The following PTDSS1 variants were observed in gnomAD, a reference collection of about 807,000 sequenced individuals.
The protein encoded by PTDSS1 is PSS-1.
In PTDSS1, 45 loss-of-function variants were observed where a neutral mutation model predicts 70.5. That is an observed-to-expected ratio of 0.64 (90% confidence interval 0.50 to 0.82). PTDSS1 has a LOEUF of 0.82. Ranked by LOEUF, PTDSS1 falls within the 40% of genes least tolerant of loss-of-function variation. The probability of loss-of-function intolerance (pLI) is 0.00; values close to 1 mark genes in which losing one functional copy is unlikely to be tolerated. For synonymous variants in PTDSS1, 188 were observed against 203.8 expected (o/e 0.92, Z 0.66); for missense variants, 417 against 586.1 (o/e 0.71, Z 2.98).
Position 96,287,079 on chromosome 8 carries a change from A to C in PTDSS1, c.374A>C (p.Gln125Pro). The C allele has an allele frequency of 6.2e-7, 1 of 1,614,036 alleles. No homozygotes were observed. Among genetic ancestry groups the C allele is most frequent in the Non-Finnish European group, 8.5e-7 (1 of 1,179,884 alleles). Reference protein sequence around the residue: ...LVFLLFLNFEQVKSLMYWLDP... With the variant: ...LVFLLFLNFEPVKSLMYWLDP... ...TTCCTACTCTTCCTGAATTTCGAGCAGGTTAAATCTCTAATGTATTGGCTA... is the reference window on the plus strand; with the variant it reads ...TTCCTACTCTTCCTGAATTTCGAGCCGGTTAAATCTCTAATGTATTGGCTA... Residue 125 changes from glutamine (Q) to proline (P), a missense_variant, in exon 4 of 13, where the codon CAG (glutamine) becomes CCG (proline). By Grantham distance (76) the Gln-to-Pro change is moderately conservative (BLOSUM62 -1). Around this residue, in one of 3 missense-constraint regions of PTDSS1, gnomAD observed 272 missense variants for 429.5 expected, o/e 0.63. Transcript: ENST00000517309.
intron 6 of PTDSS1, among the ~76,000 whole-genome samples, chr8:96,302,869 A>G (rs1020016544): frequency 2.6e-5 from 4 of 152,176 alleles, no homozygotes; most frequent in Non-Finnish European, 5.9e-5. Flanking sequence ...GGCATGAGCC[A>G]CCATGCCTGG....
intron 2 of PTDSS1, among the ~76,000 whole-genome samples, chr8:96,277,556 A>G (rs1397985002): frequency 1.3e-5 from 2 of 152,370 alleles, no homozygotes; most frequent in African/African-American, 4.8e-5. Context: ...ATGGAGCCCA[A>G]ACTTGCCCTC....
intron 9 of PTDSS1, among the ~76,000 whole-genome samples, chr8:96,316,950 C>T (rs1024776015): frequency 2.6e-5 from 4 of 151,934 alleles, no homozygotes; most frequent in African/African-American, 9.7e-5. Flanking sequence ...GCTGAGATTG[C>T]ACCACTGCAC....
At chr8:96,313,152 T>G (rs1003528361) in intron 9 of PTDSS1, among the ~76,000 whole-genome samples, 3 of 152,220 alleles carry the variant, frequency 2.0e-5, no homozygotes, top group Non-Finnish European at 4.4e-5. Context: ...GTACTTTCTC[T>G]TCTATAAAGA....
chr8:96,309,428 C>T (rs1811174226), intron 8 of PTDSS1, 129 bp from the exon 9 acceptor site: 1 of 678,732 alleles, frequency 1.5e-6, no homozygotes. Flanking sequence ...TTCTCTTGAA[C>T]AGAACTAGAC....
At chr8:96,309,008 C>T (rs1811166919) in intron 8 of PTDSS1, among the ~76,000 whole-genome samples, 1 of 151,968 alleles carries the variant, frequency 6.6e-6, no homozygotes, top group South Asian at 2.1e-4. Context: ...TGCCTGGTTA[C>T]AATCAGCAAC....
At chr8:96,295,636 A>G (rs1389419763) in intron 5 of PTDSS1, among the ~76,000 whole-genome samples, 1 of 152,224 alleles carries the variant, frequency 6.6e-6, no homozygotes, top group Non-Finnish European at 1.5e-5. Context: ...TGTGTGTTCA[A>G]GTACTATAAG....
chr8:96,323,690 G>C (rs766919563), intron 10 of PTDSS1, among the ~76,000 whole-genome samples: 2 of 152,178 alleles, frequency 1.3e-5, no homozygotes, highest in Non-Finnish European at 2.9e-5. Flanking sequence ...GTGATGGGAG[G>C]GGCAGCCTTG....
At chr8:96,290,788 G>C (rs1470360560) in intron 4 of PTDSS1, among the ~76,000 whole-genome samples, 1 of 149,500 alleles carries the variant, frequency 6.7e-6, no homozygotes, top group Non-Finnish European at 1.5e-5. Context: ...TCCATGCCTG[G>C]TATCATACAT....
chr8:96,330,686 T>TGAGGATACCATA (rs994385931), intron 11 of PTDSS1: 1 of 372,568 alleles, frequency 2.7e-6, no homozygotes, highest in African/African-American at 2.0e-5. Flanking sequence ...TTAGTAGATA[T>TGAGGATACCATA]GAGGATACCA....
chr8:96,278,550 C>G (rs1332337936), intron 2 of PTDSS1, among the ~76,000 whole-genome samples: 1 of 152,194 alleles, frequency 6.6e-6, no homozygotes, highest in South Asian at 2.1e-4. Flanking sequence ...TTCGCCTCTT[C>G]AGTTCTCCTC....
chr8:96,275,932 T>C (rs1199056663), intron 2 of PTDSS1, among the ~76,000 whole-genome samples: 1 of 152,226 alleles, frequency 6.6e-6, no homozygotes, highest in South Asian at 2.1e-4. Flanking sequence ...CTCTGTCCTT[T>C]TTGTTCCCTT....
chr8:96,265,713 C>T (rs1473183135), intron 1 of PTDSS1, among the ~76,000 whole-genome samples: 2 of 152,194 alleles, frequency 1.3e-5, no homozygotes, highest in Non-Finnish European at 2.9e-5. Flanking sequence ...CTGAATCACG[C>T]CACCATACTC....
At chr8:96,263,557 G>A (rs1393203680) in intron 1 of PTDSS1, among the ~76,000 whole-genome samples, 1 of 152,198 alleles carries the variant, frequency 6.6e-6, no homozygotes, top group Non-Finnish European at 1.5e-5. Context: ...GCATTTAGCA[G>A]AGTCCCTGGA....
chr8:96,304,299 T>C (rs1811093772), intron 7 of PTDSS1, 118 bp downstream of exon 7: 19 of 1,205,326 alleles, frequency 1.6e-5, no homozygotes, highest in Non-Finnish European at 2.2e-5. Context: ...TTACAAGATA[T>C]AATATTCTGC....
intron 3 of PTDSS1, 130 bp from the exon 4 acceptor site, chr8:96,286,892 G>C: frequency 8.7e-7 from 1 of 1,148,912 alleles, no homozygotes; most frequent in Non-Finnish European, 1.3e-6. Context: ...CAGATTATAA[G>C]AGGAGTCTTG....
intron 6 of PTDSS1, among the ~76,000 whole-genome samples, chr8:96,302,731 G>A (rs539343495): frequency 4.6e-5 from 7 of 151,976 alleles, no homozygotes; most frequent in East Asian, 3.9e-4. Flanking sequence ...GCAGGCACCC[G>A]CCACCACACC....
rs558642219 is a variant in PTDSS1, at chr8:96,283,624, C to A, written c.272-485C>A. 447 of 153,562 alleles carry A rather than the reference C, an allele frequency of 2.9e-3. 5 individuals are homozygous for A. The highest frequency in any genetic ancestry group is 0.014 in the East Asian group (75 of 5,204). 9.5% of individuals were successfully genotyped at this position (153,562 alleles called of 1,614,324 possible). A position where few individuals can be genotyped will look rare whatever the true frequency, so the allele number is the denominator to read the frequency against. ...TCTCTCTCTCTCTCTCTCACACACA[C>A]ACACACACACCCACACATGTGCACA... On this transcript the variant is annotated intron_variant, in intron 2 of 12. Transcript: ENST00000517309.
chr8:96,330,520 G>T, intron 11 of PTDSS1: 1 of 515,010 alleles, frequency 1.9e-6, no homozygotes. Flanking sequence ...GATAAAAAAA[G>T]TTATGTTTGT....
Sources: gnomAD v4.1 joint callset for allele counts (sites outside exome capture counted in the v4.1 genomes callset) on GRCh38, gnomAD v4.1.1 for gene constraint, gnomAD v4.1.1 regional missense constraint, MANE v1.5 for transcripts, NCBI Gene and HGNC (gene_info 2026-07-23, HGNC 2026-07-21) for gene names.